Variants in HERC1 observed in about 807,000 individuals in gnomAD.
HERC1 encodes the protein HECT and RLD domain containing E3 ubiquitin protein ligase family member 1, also known as probable E3 ubiquitin-protein ligase HERC1.
HERC1 carries 160 observed loss-of-function variants against 554.3 expected under a neutral mutation model. The ratio of observed to expected loss-of-function variants is 0.29; its 90% confidence interval spans 0.25 to 0.33. The LOEUF (loss-of-function observed/expected upper bound fraction) is 0.33, where lower values mean the gene tolerates loss of function less well. Among genes scored for constraint, HERC1 ranks in the 10% least tolerant of loss-of-function variants. HERC1 has a pLI of 1.00. For synonymous variants in HERC1, 2,175 were observed against 2,131.7 expected (o/e 1.02, Z -0.56); for missense variants, 4,919 against 5,918.5 (o/e 0.83, Z 5.54).
rs977309411 is a variant in HERC1 at position 63,784,088 on chromosome 15, C to T, written c.-26-8439G>A. On this transcript the variant is annotated intron_variant, in intron 1 of 77. Coordinates refer to ENST00000443617, the MANE Select transcript of HERC1 (RefSeq NM_003922.4). ...TCAAAAAAAAAAAAAAAGAATAAAA[C>T]TCATGCTCATACTCATAAAAATGAG... is the stretch of plus-strand genomic sequence containing the variant. 6.7e-5 allele frequency among the ~76,000 whole-genome samples: 10 copies of T among 149,074 alleles called. No homozygotes were observed. In the South Asian group the frequency reaches 1.3e-3, roughly 19 times the overall value.
chr15:63,723,084 G>A (rs1596070520), intron 19 of HERC1, 98 bp downstream of exon 19: 1 of 672,860 alleles, frequency 1.5e-6, no homozygotes. Context: ...TTAAAAAAAA[G>A]GGTGATCCCT....
chr15:63,826,802 AAAAAAAAAAAAAATAT>A (rs1406026858), intron 1 of HERC1, among the ~76,000 whole-genome samples: 13 of 57,094 alleles, frequency 2.3e-4, no homozygotes, highest in African/African-American at 6.1e-4. Flanking sequence ...AAAAAAAAAA[AAAAAAAAAAAAAATAT>A]ATATATATAT....
At chr15:63,717,808 G>A (rs927751497) in intron 21 of HERC1, among the ~76,000 whole-genome samples, 1 of 152,148 alleles carries the variant, frequency 6.6e-6, no homozygotes, top group Non-Finnish European at 1.5e-5. Context: ...GGTGGTGGAG[G>A]TTGCAGTGAG....
At chr15:63,615,660 G>A in intron 76 of HERC1, 108 bp downstream of exon 76, 1 of 733,504 alleles carries the variant, frequency 1.4e-6, no homozygotes, top group Non-Finnish European at 2.1e-6. Flanking sequence ...ACATACAGAG[G>A]AATTAACACA....
chr15:63,683,805 A>G (rs1010208373), intron 34 of HERC1, among the ~76,000 whole-genome samples: 1 of 152,166 alleles, frequency 6.6e-6, no homozygotes, highest in African/African-American at 2.4e-5. Context: ...ACATGCCCCC[A>G]TAACTGGCCC....
Position 63,658,737 on chromosome 15 carries a change from T to TTTTGTTCTCAACAAGGTA in HERC1, c.9425-37_9425-20dup. Reference sequence around the variant, plus strand: ...TGGCAACCTGAAAAACATAATTCTGTTTTGTTCTCAACAAGGTAAGAAAAA... The same window carrying TTTTGTTCTCAACAAGGTA: ...TGGCAACCTGAAAAACATAATTCTGTTTTGTTCTCAACAAGGTATTTGTTCTCAACAAGGTAAGAAAAA... On this transcript the variant is annotated intron_variant, in intron 47 of 77. Coordinates refer to ENST00000443617, the MANE Select transcript of HERC1 (RefSeq NM_003922.4). The TTTTGTTCTCAACAAGGTA allele has an allele frequency of 6.3e-7, 1 of 1,595,074 alleles. No homozygotes were observed. The highest frequency in any genetic ancestry group is 8.6e-7 in the Non-Finnish European group (1 of 1,167,346).
intron 1 of HERC1, among the ~76,000 whole-genome samples, chr15:63,806,069 A>G (rs2077129692): frequency 6.6e-6 from 1 of 151,954 alleles, no homozygotes; most frequent in Admixed American, 6.6e-5. Context: ...TTTTCTTAAC[A>G]TCAACCACTT....
intron 47 of HERC1, 51 bp downstream of exon 47, chr15:63,659,681 GAAAC>G: frequency 1.6e-6 from 2 of 1,287,678 alleles, no homozygotes; most frequent in Non-Finnish European, 2.2e-6. Flanking sequence ...ACCTATCTAA[GAAAC>G]AAATTATAGT....
intron 25 of HERC1, among the ~76,000 whole-genome samples, chr15:63,705,874 T>C (rs2072974938): frequency 6.6e-6 from 1 of 151,482 alleles, no homozygotes; most frequent in Non-Finnish European, 1.5e-5. Context: ...ACAAAAATAA[T>C]AAAAAACTAG....
At chr15:63,826,322 T>C (rs1201651044) in intron 1 of HERC1, among the ~76,000 whole-genome samples, 1 of 152,178 alleles carries the variant, frequency 6.6e-6, no homozygotes, top group Non-Finnish European at 1.5e-5. Context: ...TAATTTTCAT[T>C]ACGACTGCCC....
rs1436146276 is a variant in HERC1 at position 63,649,712 on chromosome 15, T to C, written c.10747+13A>G. Reference sequence around the variant, plus strand: ...GGAGACTCCGTCAGCTAGACGTAAGTGCAGTCATTTACCATCCTTTCGATA... The same window carrying C: ...GGAGACTCCGTCAGCTAGACGTAAGCGCAGTCATTTACCATCCTTTCGATA... On this transcript the variant is annotated intron_variant, in intron 54 of 77. Transcript: ENST00000443617. The C allele has an allele frequency of 1.2e-6, 2 of 1,608,666 alleles. No homozygotes were observed. Among genetic ancestry groups the C allele is most frequent in the East Asian group, 2.2e-5 (1 of 44,798 alleles).
In HERC1 at chr15:63,729,347, G is replaced by A. The variant is rs995225896; in HGVS notation, c.3043C>T (p.Leu1015Phe). ...ISENSSSVALLHKHLQLLLPH... is the reference protein window; with the variant it reads ...ISENSSSVALFHKHLQLLLPH... ...AACAAAAGCTGAAGATGTTTATGAA[G>A]CAATGCCACACTGCTTGAGTTCTAA... Residue 1015 changes from leucine to phenylalanine, a missense_variant, in exon 16 of 78, where the codon CTT becomes TTT. Transcript: ENST00000443617. 1.9e-6 allele frequency: 3 copies of A among 1,609,170 alleles called. No individual in the cohort carries two copies. The highest frequency in any genetic ancestry group is 2.7e-5 in the African/African-American group (2 of 74,772).
rs528622985 is a variant in HERC1, at chr15:63,757,333, T to G, written c.1222-585A>C. Reference sequence around the variant, plus strand: ...GGGCTAGAGTGCAGTGGTGCAATTTTGTTTCACTATAACCTCCACTTACCA... The same window carrying G: ...GGGCTAGAGTGCAGTGGTGCAATTTGGTTTCACTATAACCTCCACTTACCA... On this transcript the variant is annotated intron_variant, in intron 4 of 77. Coordinates refer to ENST00000443617, the MANE Select transcript of HERC1 (RefSeq NM_003922.4). 5.4e-5 allele frequency among the ~76,000 whole-genome samples: 8 copies of G among 148,102 alleles called. 1 individual carries two copies. Among genetic ancestry groups the G allele is most frequent in the African/African-American group, 2.0e-4 (8 of 40,420 alleles).
intron 59 of HERC1, among the ~76,000 whole-genome samples, chr15:63,642,633 C>T (rs952204379): frequency 3.3e-5 from 5 of 152,226 alleles, no homozygotes; most frequent in African/African-American, 9.6e-5. Flanking sequence ...GCCACTGCAC[C>T]TGGCCTTGAG....
In HERC1 at chr15:63,630,923, T is replaced by G. The variant is rs1416086573; in HGVS notation, c.12797-288A>C. Among the ~76,000 whole-genome samples the G allele has an allele frequency of 2.0e-5, 3 of 152,338 alleles. No homozygotes were observed. In the South Asian group the frequency reaches 6.2e-4, roughly 32 times the overall value. On this transcript the variant is annotated intron_variant, in intron 68 of 77. Transcript: ENST00000443617. ...TTCAAAATAAGAGGCTTCTCCAATA[T>G]CCACATCTTTGAAAGGATAGGGTCT...
chr15:63,671,002 G>A (rs1451631663), intron 39 of HERC1, among the ~76,000 whole-genome samples: 1 of 151,998 alleles, frequency 6.6e-6, no homozygotes, highest in Non-Finnish European at 1.5e-5. Context: ...GGGAGTTCGA[G>A]ACCAGCCTGA....
chr15:63,725,533 T>C lies in HERC1; in HGVS notation c.3347-20A>G. ...GCCCTCCTAAAGACAAAATCATTAG[T>C]TATTGTGTCTTTATCTGGTACTTTT... is the stretch of plus-strand genomic sequence containing the variant. On this transcript the variant is annotated intron_variant, in intron 17 of 77. Transcript: ENST00000443617. 2 of 1,588,412 alleles carry C rather than the reference T, an allele frequency of 1.3e-6. No individual in the cohort carries two copies. Among genetic ancestry groups the C allele is most frequent in the East Asian group, 4.5e-5 (2 of 44,750 alleles).
At chr15:63,625,647 T>C (rs950284444) in intron 71 of HERC1, among the ~76,000 whole-genome samples, 1 of 150,676 alleles carries the variant, frequency 6.6e-6, no homozygotes, top group Non-Finnish European at 1.5e-5. Context: ...TGAGCTGAGA[T>C]TGCGCCACTG....
At chr15:63,765,139 T>C (rs1251336258) in intron 2 of HERC1, among the ~76,000 whole-genome samples, 3 of 152,176 alleles carry the variant, frequency 2.0e-5, no homozygotes, top group Non-Finnish European at 4.4e-5. Context: ...CTACTCTCTG[T>C]TCACCTTATC....
Sources: gnomAD v4.1 joint callset for allele counts (sites outside exome capture counted in the v4.1 genomes callset) on GRCh38, gnomAD v4.1.1 for gene constraint, MANE v1.5 for transcripts, NCBI Gene and HGNC (gene_info 2026-07-23, HGNC 2026-07-21) for gene names.